Variants in TTC14 observed in about 807,000 individuals in gnomAD.
TTC14 encodes tetratricopeptide repeat protein 14.
TTC14 carries 63 observed loss-of-function variants against 79.9 expected under a neutral mutation model. The ratio of observed to expected loss-of-function variants is 0.79; its 90% CI spans 0.64 to 0.97. TTC14 has a LOEUF of 0.97. Ranked by LOEUF, TTC14 falls within the 50% of genes least tolerant of loss-of-function variation. The pLI is 0.00. For missense variants in TTC14, 895 were observed against 894.0 expected (o/e 1.00, Z -0.01); for synonymous variants, 335 against 309.6 (o/e 1.08, Z -0.86).
intron 11 of TTC14, 34 bp downstream of exon 11, chr3:180,608,844 G>T: frequency 7.1e-7 from 1 of 1,417,520 alleles, no homozygotes; most frequent in Non-Finnish European, 9.2e-7. Flanking sequence ...TTAAACTTAA[G>T]GCAACTACTG....
chr3:180,605,779 G>A lies in TTC14; in HGVS notation c.871G>A (p.Glu291Lys). Reference protein sequence around the residue: ...MRGLQSKNFSEDDFASALRKK... With the variant: ...MRGLQSKNFSKDDFASALRKK... ...TTTCTTTAATAGCAAAAATTTCTCT[G>A]AAGATGATTTTGCTTCTGCATTGAG... Residue 291 changes from glutamate to lysine, a missense_variant, in exon 7 of 12, where the codon GAA becomes AAA. Glu to Lys is a moderately conservative substitution (Grantham distance 56, BLOSUM62 1). Coordinates refer to ENST00000296015, the MANE Select transcript of TTC14 (RefSeq NM_133462.4). The A allele has an allele frequency of 6.4e-7, 1 of 1,566,038 alleles. No homozygotes were observed. The highest frequency in any genetic ancestry group is 8.6e-7 in the Non-Finnish European group (1 of 1,166,232).
At position 180,617,433 on chromosome 3, in the gene TTC14, T is replaced by C. The variant is rs756457448; in HGVS notation, c.1828T>C (p.Ser610Pro). ...TATAAAACAGCCTCAGGCAGGTCCTTCAGGAGATATTCCAGAAGAGGGCAT... is the reference window on the plus strand; with the variant it reads ...TATAAAACAGCCTCAGGCAGGTCCTCCAGGAGATATTCCAGAAGAGGGCAT... The change falls in exon 13 of 13, where the codon TCA becomes CCA. Residue 610 changes from serine to proline, a missense_variant. Coordinates refer to the TTC14 transcript ENST00000382584. 56 of 683,442 alleles carry C rather than the reference T, an allele frequency of 8.2e-5. 2 individuals are homozygous for C. In the South Asian group the frequency reaches 8.9e-4, roughly 11 times the overall value. 42.3% of individuals were successfully genotyped at this position (683,442 alleles called of 1,614,324 possible).
intron 10 of TTC14, chr3:180,608,305 T>G: frequency 1.0e-6 from 1 of 986,942 alleles, no homozygotes; most frequent in Non-Finnish European, 1.2e-6. Context: ...CCTCCTTCAC[T>G]TCACCTTAAC....
chr3:180,612,157 C>T (rs1380983213), downstream of TTC14, among the ~76,000 whole-genome samples: 1 of 152,110 alleles, frequency 6.6e-6, no homozygotes, highest in Non-Finnish European at 1.5e-5. Flanking sequence ...TTTACAAAGT[C>T]GTGTTTATAA....
rs767777047 is a variant in TTC14, at chr3:180,616,299, T to A, written c.1775-1081T>A. The stretch of plus-strand genomic sequence containing the variant: ...CGCTTACCTTGCTGATAGTGAAGTA[T>A]GTGAAGGAGATCTAGAGCTCTGACG... On this transcript the variant is annotated intron_variant, in intron 12 of 12. Coordinates refer to the TTC14 transcript ENST00000382584. 2 of 1,613,242 alleles carry A rather than the reference T, an allele frequency of 1.2e-6. No homozygotes were observed. The highest frequency in any genetic ancestry group is 8.5e-7 in the Non-Finnish European group (1 of 1,179,480).
chr3:180,602,426 A>G lies in TTC14; in HGVS notation c.161+4A>G. 2.5e-6 allele frequency: 4 copies of G among 1,599,024 alleles called. No individual in the cohort carries two copies. Among genetic ancestry groups the G allele is most frequent in the Non-Finnish European group, 2.5e-6 (3 of 1,177,054 alleles). ...CCCAGCACCCGTTGCAGGGCAGGTA[A>G]TGAGACGTTGGTGCCACTGCGCCAC... On this transcript the variant is annotated splice_donor_region_variant and intron_variant, in intron 1 of 11. Transcript: ENST00000296015.
Position 180,611,066 on chromosome 3 carries a change from G to A in TTC14, c.*524G>A. ...CAATTTTTTTTAAAATTTTTAAATG[G>A]TAGATTATATGTCTTAATTTTCCTC... On this transcript the variant is annotated 3_prime_UTR_variant, in exon 12 of 12. Coordinates refer to ENST00000296015, the MANE Select transcript of TTC14 (RefSeq NM_133462.4). The A allele has an allele frequency of 2.1e-6, 2 of 963,422 alleles. No homozygotes were observed. The highest frequency in any genetic ancestry group is 1.8e-5 in the African/African-American group (1 of 56,760). The allele number at this position is 963,422 out of a possible 1,614,324, so 59.7% of individuals were successfully genotyped here. A position where few individuals can be genotyped will look rare whatever the true frequency, so the allele number is the denominator to read the frequency against.
At chr3:180,607,515 G>C in intron 9 of TTC14, 133 bp from the exon 10 acceptor site, 1 of 1,279,908 alleles carries the variant, frequency 7.8e-7, no homozygotes, top group Non-Finnish European at 1.0e-6. Flanking sequence ...ATATTATTTT[G>C]GTATTTTATT....
rs750009676 is a variant in TTC14, at chr3:180,602,406, C to T, written c.145C>T (p.His49Tyr). Residue 49 changes from histidine (H) to tyrosine (Y), a missense_variant, in exon 1 of 12, where the codon CAC becomes TAC. His to Tyr is a moderately conservative substitution (Grantham distance 83, BLOSUM62 2). Transcript: ENST00000296015. ...GCCAGCCCGGGGCCCGCCGCCCCAGCACCCGTTGCAGGGCAGGTAATGAGA... is the reference window on the plus strand; with the variant it reads ...GCCAGCCCGGGGCCCGCCGCCCCAGTACCCGTTGCAGGGCAGGTAATGAGA... ...AEPARGPPPQ[H>Y]PLQGRKEKRV... 1.2e-6 allele frequency: 2 copies of T among 1,606,336 alleles called. No homozygotes were observed. Among genetic ancestry groups the T allele is most frequent in the Non-Finnish European group, 1.7e-6 (2 of 1,178,890 alleles).
In TTC14 at chr3:180,604,527, G is replaced by C; in HGVS notation, c.621G>C (p.Leu207=). ...ACCATGAAAAGCTAGCAGTATCTCT[G>C]TATAGCTCTTCTCTTCCACCACACC... ...DRYHEKLAVS[L]YSSSLPPHLS... The change falls in exon 5 of 12, where the codon CTG becomes CTC. Residue 207 remains leucine (L), a synonymous_variant. Transcript: ENST00000296015. The C allele has an allele frequency of 6.2e-7, 1 of 1,610,060 alleles. No individual in the cohort carries two copies. The highest frequency in any genetic ancestry group is 8.5e-7 in the Non-Finnish European group (1 of 1,178,532).
In TTC14 at chr3:180,603,304, T is replaced by C; in HGVS notation, c.467T>C (p.Ile156Thr). 2 of 1,613,976 alleles carry C rather than the reference T, an allele frequency of 1.2e-6. No individual in the cohort carries two copies. Among genetic ancestry groups the C allele is most frequent in the Non-Finnish European group, 1.7e-6 (2 of 1,179,882 alleles). The change falls in exon 3 of 12, where the codon ATA (isoleucine) becomes ACA (threonine). Residue 156 changes from isoleucine to threonine, a missense_variant. By Grantham distance (89) the Ile-to-Thr change is moderately conservative (BLOSUM62 -1). Coordinates refer to ENST00000296015, the MANE Select transcript of TTC14 (RefSeq NM_133462.4). ...TTAGGAAGTGGTATCATGAGAGATATAGCCCACTTAGAAATCACAGTAAGT... is the reference window on the plus strand; with the variant it reads ...TTAGGAAGTGGTATCATGAGAGATACAGCCCACTTAGAAATCACAGTAAGT... ...ICLGSGIMRD[I>T]AHLEITALCP...
chr3:180,604,373 A>T lies in TTC14; in HGVS notation c.571+64A>T, dbSNP rs879407199. 5.1e-6 allele frequency: 8 copies of T among 1,563,708 alleles called. No homozygotes were observed. In the African/African-American group the frequency reaches 5.5e-5, roughly 11 times the overall value. On this transcript the variant is annotated intron_variant, in intron 4 of 11. Coordinates refer to ENST00000296015, the MANE Select transcript of TTC14 (RefSeq NM_133462.4). ...GTTGAATTTTTGTTTTTATTAATTT[A>T]AAAAAATACAGTCTAAGAGGGTAGT...
chr3:180,602,629 G>A (rs576013062), intron 1 of TTC14: 8 of 735,110 alleles, frequency 1.1e-5, no homozygotes, highest in Non-Finnish European at 1.7e-5. Context: ...CTCTGGCACT[G>A]CTTGGTAGAG....
downstream of TTC14, among the ~76,000 whole-genome samples, chr3:180,617,999 C>T (rs540660220): frequency 3.9e-5 from 6 of 152,148 alleles, no homozygotes; most frequent in South Asian, 8.3e-4. Context: ...ATCCATTATA[C>T]CATATTTTTA....
rs773876237 is a variant in TTC14 at position 180,604,226 on chromosome 3, C to G, written c.488C>G (p.Ala163Gly). The G allele has an allele frequency of 9.9e-6, 16 of 1,611,850 alleles. No homozygotes were observed. Among genetic ancestry groups the G allele is most frequent in the Non-Finnish European group, 1.4e-5 (16 of 1,178,750 alleles). ...MRDIAHLEIT[A>G]LCPLRDVPSH... Reference sequence around the variant, plus strand: ...GTTTTAAAATACTTCTCATTACAGGCTCTTTGTCCCTTAAGAGATGTGCCT... The same window carrying G: ...GTTTTAAAATACTTCTCATTACAGGGTCTTTGTCCCTTAAGAGATGTGCCT... The change falls in exon 4 of 12, where the codon GCT (alanine) becomes GGT (glycine). Residue 163 changes from alanine (A) to glycine (G), a missense_variant and splice_region_variant. Ala to Gly is a moderately conservative substitution (Grantham distance 60, BLOSUM62 0). Coordinates refer to ENST00000296015, the MANE Select transcript of TTC14 (RefSeq NM_133462.4).
rs756146571 is a variant in TTC14, at chr3:180,606,289, C to T, written c.966C>T (p.Arg322=). 8 of 1,613,822 alleles carry T rather than the reference C, an allele frequency of 5.0e-6. No homozygotes were observed. Among genetic ancestry groups the T allele is most frequent in the Middle Eastern group, 1.6e-4 (1 of 6,082 alleles). Residue 322 remains arginine (R), a synonymous_variant, in exon 8 of 12, where the codon CGC becomes CGT. Transcript: ENST00000296015. ...GAGTTGACTATTTTAAAGTTGGACG[C>T]CATGTGGATGCTATGAATGAATACA... ...KIGVDYFKVG[R]HVDAMNEYNK... is the part of the protein sequence containing the mutation.
chr3:180,610,920 T>A lies in TTC14; in HGVS notation c.*378T>A, dbSNP rs939501296. 2.3e-5 allele frequency: 23 copies of A among 982,908 alleles called. No homozygotes were observed. Among genetic ancestry groups the A allele is most frequent in the Non-Finnish European group, 2.8e-5 (23 of 827,466 alleles). 60.9% of individuals were successfully genotyped at this position (982,908 alleles called of 1,614,324 possible). A position where few individuals can be genotyped will look rare whatever the true frequency, so the allele number is the denominator to read the frequency against. On this transcript the variant is annotated 3_prime_UTR_variant, in exon 12 of 12. Coordinates refer to ENST00000296015, the MANE Select transcript of TTC14 (RefSeq NM_133462.4). ...GCATTGAACACTTGGATCATTTTTA[T>A]AAAAATTAATTTCATTTTCTTTTCT...
At chr3:180,614,132 C>T (rs1717126510), downstream of TTC14, 1 of 170,658 alleles carries the variant, frequency 5.9e-6, no homozygotes, top group Admixed American at 5.9e-5. Flanking sequence ...ATTTGGCAGT[C>T]TACCTCCAAC....
At chr3:180,606,135 C>A (rs1385406674) in intron 7 of TTC14, 118 bp from the exon 8 acceptor site, 11 of 1,426,744 alleles carry the variant, frequency 7.7e-6, no homozygotes, top group Non-Finnish European at 3.8e-6. Flanking sequence ...TGTGAGTACT[C>A]TGAAAACTAA....
Sources: gnomAD v4.1 joint callset for allele counts (sites outside exome capture counted in the v4.1 genomes callset) on GRCh38, gnomAD v4.1.1 for gene constraint, MANE v1.5 for transcripts, NCBI Gene and HGNC (gene_info 2026-07-23, HGNC 2026-07-21) for gene names.